COX17: variants seen among roughly 807,000 people sequenced by gnomAD.
The protein encoded by COX17 is cytochrome c oxidase copper chaperone COX17, also known as cytochrome c oxidase copper chaperone.
In COX17, 1 loss-of-function variant was observed where a neutral mutation model predicts 6.3. The ratio of observed to expected loss-of-function variants is 0.16; its 90% CI spans 0.06 to 0.75. COX17 has a LOEUF of 0.75. COX17 is among the 30% of genes least tolerant of loss of function. The pLI is 0.77. For missense variants in COX17, 73 were observed against 81.2 expected (o/e 0.90, Z 0.39); for synonymous variants, 26 against 30.5 (o/e 0.85, Z 0.49).
At chr3:119,675,819 A>C (rs1299962408) in intron 1 of COX17, among the ~76,000 whole-genome samples, 1 of 152,234 alleles carries the variant, frequency 6.6e-6, no homozygotes, top group Non-Finnish European at 1.5e-5. Flanking sequence ...AGTTAAGCCC[A>C]ATTCAATTAC....
At chr3:119,671,262 A>G (rs2053041320) in intron 2 of COX17, among the ~76,000 whole-genome samples, 1 of 152,200 alleles carries the variant, frequency 6.6e-6, no homozygotes, top group Admixed American at 6.5e-5. Flanking sequence ...CATTCTTCAG[A>G]TGATTCTGAG....
intron 1 of COX17, among the ~76,000 whole-genome samples, chr3:119,676,088 A>C (rs2053096228): frequency 6.6e-6 from 1 of 152,334 alleles, no homozygotes; most frequent in Middle Eastern, 3.4e-3. Flanking sequence ...TGTATCATTA[A>C]CCTTTACAAT....
downstream of COX17, among the ~76,000 whole-genome samples, chr3:119,668,391 A>C (rs2053012728): frequency 6.6e-6 from 1 of 152,196 alleles, no homozygotes; most frequent in South Asian, 2.1e-4. Context: ...GTAAATCATG[A>C]AGTGCTTACT....
downstream of COX17, among the ~76,000 whole-genome samples, chr3:119,666,100 A>G (rs1289954982): frequency 6.6e-6 from 1 of 151,596 alleles, no homozygotes; most frequent in South Asian, 2.1e-4. Context: ...TTTTGTCCAG[A>G]TATCAAACCT....
At chr3:119,673,924 G>A (rs2053070569) in intron 2 of COX17, among the ~76,000 whole-genome samples, 1 of 152,000 alleles carries the variant, frequency 6.6e-6, no homozygotes, top group Admixed American at 6.5e-5. Flanking sequence ...GAAGTGAGGA[G>A]TACCTCTGTC....
chr3:119,664,722 A>G (rs1235929927), downstream of COX17, among the ~76,000 whole-genome samples: 2 of 152,226 alleles, frequency 1.3e-5, no homozygotes, highest in Admixed American at 1.3e-4. Context: ...GACATTTTTT[A>G]TAGCAATTTC....
chr3:119,675,455 TAAG>T, intron 1 of COX17: 1 of 503,660 alleles, frequency 2.0e-6, no homozygotes, highest in East Asian at 3.1e-5. Flanking sequence ...GGAAATCTGA[TAAG>T]AAATAATCAC....
downstream of COX17, chr3:119,669,216 A>G (rs192148400): frequency 2.0e-5 from 3 of 151,198 alleles, no homozygotes; most frequent in Admixed American, 2.0e-4. Context: ...TTTAAATAAT[A>G]AGACTAAAGG....
At chr3:119,667,554 G>C (rs1246223500), downstream of COX17, among the ~76,000 whole-genome samples, 3 of 151,844 alleles carry the variant, frequency 2.0e-5, no homozygotes, top group Non-Finnish European at 4.4e-5. Context: ...TCAAAGCCTT[G>C]AAAACACGCA....
At chr3:119,672,900 C>A (rs191879199) in intron 2 of COX17, among the ~76,000 whole-genome samples, 2 of 152,314 alleles carry the variant, frequency 1.3e-5, no homozygotes, top group Non-Finnish European at 2.9e-5. Context: ...TCAGCCTAGA[C>A]TGTTTTCCAT....
At chr3:119,667,475 C>T (rs1028820523), downstream of COX17, among the ~76,000 whole-genome samples, 1 of 152,140 alleles carries the variant, frequency 6.6e-6, no homozygotes, top group African/African-American at 2.4e-5. Context: ...AGAGATTAAT[C>T]AGTGCTCTCA....
intron 2 of COX17, among the ~76,000 whole-genome samples, chr3:119,673,093 T>A (rs186091756): frequency 6.6e-6 from 1 of 152,094 alleles, no homozygotes; most frequent in South Asian, 2.1e-4. Flanking sequence ...TCAGCTGTTA[T>A]TAAGTTAAAA....
chr3:119,673,998 G>A (rs2053071792), intron 2 of COX17, among the ~76,000 whole-genome samples: 1 of 151,828 alleles, frequency 6.6e-6, no homozygotes, highest in Non-Finnish European at 1.5e-5. Flanking sequence ...TGGGAAGTGA[G>A]GTGCCCCTCT....
chr3:119,676,134 T>C (rs1405102286), intron 1 of COX17, among the ~76,000 whole-genome samples: 1 of 152,250 alleles, frequency 6.6e-6, no homozygotes, highest in East Asian at 1.9e-4. Context: ...AGAGTCATTT[T>C]ACAGACACAT....
intron 2 of COX17, among the ~76,000 whole-genome samples, chr3:119,672,055 A>G (rs2053050065): frequency 6.6e-6 from 1 of 152,228 alleles, no homozygotes; most frequent in Non-Finnish European, 1.5e-5. Flanking sequence ...ACAGACCTCA[A>G]CTGAATGTCT....
At chr3:119,666,822 C>A (rs1251404777), downstream of COX17, 1 of 152,128 alleles carries the variant, frequency 6.6e-6, no homozygotes, top group Non-Finnish European at 1.5e-5. Flanking sequence ...AAATAATAGA[C>A]CTTCACTAAG....
chr3:119,676,720 A>G (rs1426321777), intron 1 of COX17: 6 of 654,556 alleles, frequency 9.2e-6, no homozygotes, highest in East Asian at 5.5e-5. Context: ...CAAATCTATC[A>G]TAGCCCTTAC....
intron 1 of COX17, among the ~76,000 whole-genome samples, chr3:119,676,188 G>T (rs2053097309): frequency 6.6e-6 from 1 of 152,160 alleles, no homozygotes; most frequent in African/African-American, 2.4e-5. Flanking sequence ...TTCAAACCTT[G>T]ACTGTGGATC....
intron 1 of COX17, chr3:119,676,620 C>T: frequency 6.2e-6 from 3 of 481,118 alleles, no homozygotes; most frequent in Non-Finnish European, 1.1e-5. Context: ...CTCTTCAGAA[C>T]TGTAAGGAAT....
Sources: gnomAD v4.1 joint callset for allele counts (sites outside exome capture counted in the v4.1 genomes callset) on GRCh38, gnomAD v4.1.1 for gene constraint, MANE v1.5 for transcripts, NCBI Gene and HGNC (gene_info 2026-07-23, HGNC 2026-07-21) for gene names.